The following MICAL2 variants were observed in gnomAD, a reference collection of about 807,000 sequenced individuals.
MICAL2 encodes microtubule associated monooxygenase, calponin and LIM domain containing 2, also known as [F-actin]-monooxygenase MICAL2.
Under a neutral mutation model 127.3 loss-of-function variants are expected in MICAL2, and 77 were observed. That is an observed-to-expected ratio of 0.60 (90% CI 0.50 to 0.73). The LOEUF (loss-of-function observed/expected upper bound fraction) is 0.73, where lower values mean the gene tolerates loss of function less well. MICAL2 is among the 30% of genes least tolerant of loss of function. The pLI is 0.00. For missense variants in MICAL2, 1,351 were observed against 1,434.4 expected (o/e 0.94, Z 0.94); for synonymous variants, 570 against 551.1 (o/e 1.03, Z -0.48).
chr11:12,140,962 C>T (rs2133626148), intron 2 of MICAL2, among the ~76,000 whole-genome samples: 1 of 152,316 alleles, frequency 6.6e-6, no homozygotes, highest in African/African-American at 2.4e-5. Context: ...GGGAGCCTAC[C>T]TCTTCCTTCT....
chr11:12,360,353 A>G (rs574259550), downstream of MICAL2, among the ~76,000 whole-genome samples: 1 of 152,188 alleles, frequency 6.6e-6, no homozygotes, highest in African/African-American at 2.4e-5. Flanking sequence ...TACATAAGCT[A>G]TTTAATATAC....
rs192417159 is a variant in MICAL2 at position 12,149,267 on chromosome 11, G to A, written c.-78+10807G>A. 6.5e-3 allele frequency among the ~76,000 whole-genome samples: 997 copies of A among 152,260 alleles called. 8 individuals carry two copies. The highest frequency in any genetic ancestry group is 0.023 in the African/African-American group (950 of 41,536). On this transcript the variant is annotated intron_variant, in intron 2 of 27. Transcript: ENST00000683283. ...GGGGCGGGGAAGTGATGAGAGTAGAGGCTGGAGGGGCGAGCTAGGGCTGGA... is the reference window on the plus strand; with the variant it reads ...GGGGCGGGGAAGTGATGAGAGTAGAAGCTGGAGGGGCGAGCTAGGGCTGGA...
chr11:12,208,281 GTT>G (rs3214983), intron 5 of MICAL2, 142 bp downstream of exon 5: 54 of 553,468 alleles, frequency 9.8e-5, no homozygotes, highest in East Asian at 1.9e-4. Context: ...GTATTTTACT[GTT>G]TTTTTTTTAC....
Position 12,110,893 on chromosome 11 carries a change from G to C in MICAL2, c.-149+167G>C, listed in dbSNP as rs1589941573. Reference sequence around the variant, plus strand: ...CACCCGGCGGGGCGCACAGTGAGCAGGTGGCGCTGCGACGAAGCCCGGGGC... The same window carrying C: ...CACCCGGCGGGGCGCACAGTGAGCACGTGGCGCTGCGACGAAGCCCGGGGC... On this transcript the variant is annotated intron_variant, in intron 1 of 27. Transcript: ENST00000683283. The surrounding 1 kb of genome is among the most constrained non-coding windows in gnomAD (Gnocchi z 4.5). Among the ~76,000 whole-genome samples the C allele has an allele frequency of 1.3e-5, 2 of 152,296 alleles. No individual in the cohort carries two copies. The highest frequency in any genetic ancestry group is 1.3e-4 in the Admixed American group (2 of 15,304).
At chr11:12,164,345 C>T (rs1472045836) in intron 3 of MICAL2, among the ~76,000 whole-genome samples, 1 of 152,132 alleles carries the variant, frequency 6.6e-6, no homozygotes, top group African/African-American at 2.4e-5. Flanking sequence ...TAACCCATCT[C>T]GTAAAAACCG....
chr11:12,186,122 C>T (rs560216940), intron 3 of MICAL2, among the ~76,000 whole-genome samples: 1 of 152,236 alleles, frequency 6.6e-6, no homozygotes, highest in African/African-American at 2.4e-5. Flanking sequence ...CTGGCGCCTG[C>T]ACTTTTGCTG....
chr11:12,242,176 G>A lies in MICAL2; in HGVS notation c.2338-38G>A, dbSNP rs374775304. 6.8e-5 allele frequency: 104 copies of A among 1,526,126 alleles called. No individual in the cohort carries two copies. The Admixed American group carries it at 7.1e-4, about 10-fold the overall frequency. The allele number at this position is 1,526,126 out of a possible 1,614,324, so 94.5% of individuals were successfully genotyped here. A position where few individuals can be genotyped will look rare whatever the true frequency, so the allele number is the denominator to read the frequency against. On this transcript the variant is annotated intron_variant, in intron 18 of 27. Coordinates refer to ENST00000683283, the MANE Select transcript of MICAL2 (RefSeq NM_001282663.2). ...CATGGTGAGGGTGTATGAAAGGGCC[G>A]CAGTAGGGAAGGAAGCTTAATTTTC...
Position 12,246,620 on chromosome 11 carries a change from A to T in MICAL2, c.2784+2508A>T, listed in dbSNP as rs543197179. Among the ~76,000 whole-genome samples the T allele has an allele frequency of 2.0e-5, 3 of 152,242 alleles. No homozygotes were observed. The South Asian group carries it at 6.2e-4, about 32-fold the overall frequency. On this transcript the variant is annotated intron_variant, in intron 21 of 27. Coordinates refer to ENST00000683283, the MANE Select transcript of MICAL2 (RefSeq NM_001282663.2). ...AAATTTAATTTTTTTGTTTTTTTGG[A>T]GACAGGGTCTCTCTCTGTCACCCAG...
At chr11:12,172,690 GA>G (rs998113488) in intron 3 of MICAL2, among the ~76,000 whole-genome samples, 68 of 151,282 alleles carry the variant, frequency 4.5e-4, no homozygotes, top group African/African-American at 1.5e-3. Flanking sequence ...TGAAAAGGAA[GA>G]AAAAAAAACT....
chr11:12,135,105 A>G (rs1253836651), intron 1 of MICAL2, among the ~76,000 whole-genome samples: 1 of 152,184 alleles, frequency 6.6e-6, no homozygotes, highest in Non-Finnish European at 1.5e-5. Flanking sequence ...ACCACTGCTA[A>G]GGAGAAAAGA....
chr11:12,205,590 A>T (rs144789305), intron 4 of MICAL2, among the ~76,000 whole-genome samples: 1 of 152,296 alleles, frequency 6.6e-6, no homozygotes, highest in Non-Finnish European at 1.5e-5. Flanking sequence ...AAAGCTCAAG[A>T]GTTTGAACAG....
intron 26 of MICAL2, chr11:12,261,587 T>C (rs1221950967): frequency 4.3e-5 from 42 of 985,490 alleles, no homozygotes; most frequent in Non-Finnish European, 4.9e-5. Flanking sequence ...TCTGTGGAGT[T>C]ATCACTAGAG....
At chr11:12,312,045 TTATTA>T (rs1404681099) in intron 29 of MICAL2, among the ~76,000 whole-genome samples, 2 of 151,296 alleles carry the variant, frequency 1.3e-5, no homozygotes, top group African/African-American at 4.8e-5. Context: ...TTTAAAATTA[TTATTA>T]TATAATAGTT....
At chr11:12,173,855 G>T (rs1041705352) in intron 3 of MICAL2, among the ~76,000 whole-genome samples, 2 of 152,164 alleles carry the variant, frequency 1.3e-5, no homozygotes, top group African/African-American at 4.8e-5. Flanking sequence ...CCACATGGTA[G>T]CATGTGTTGG....
chr11:12,236,367 C>T (rs1859057035), intron 16 of MICAL2, 122 bp downstream of exon 16: 3 of 847,650 alleles, frequency 3.5e-6, no homozygotes, highest in East Asian at 5.0e-5. Flanking sequence ...CCACTGGGTT[C>T]CAAGCTTGGC....
At chr11:12,340,428 A>G (rs1193692992) in intron 32 of MICAL2, among the ~76,000 whole-genome samples, 3 of 152,230 alleles carry the variant, frequency 2.0e-5, no homozygotes, top group Admixed American at 1.3e-4. Context: ...CTCTTATTCA[A>G]TGTTAATGGG....
At chr11:12,361,525 G>A (rs3812756), downstream of MICAL2, among the ~76,000 whole-genome samples, 109,649 of 152,120 alleles carry the variant, frequency 0.72, 44,304 homozygotes, top group East Asian at 0.94. Flanking sequence ...TTCTTGGGCA[G>A]TAAAAATAAG....
rs773599822 is a variant in MICAL2, at chr11:12,208,048, A to C, written c.498A>C (p.Leu166=). 1 of 1,614,156 alleles carries C rather than the reference A, an allele frequency of 6.2e-7. No individual in the cohort carries two copies. The highest frequency in any genetic ancestry group is 1.1e-5 in the South Asian group (1 of 91,084). ...HISIRQLQLI[L]FKVALMLGVE... ...GTATTCGCCAACTACAGCTCATCCT[A>C]TTCAAGGTGGCCCTGATGCTGGGAG... The change falls in exon 5 of 28, where the codon CTA becomes CTC. Residue 166 remains leucine (L), a synonymous_variant. Transcript: ENST00000683283.
At chr11:12,239,783 CT>C (rs1449188638) in intron 17 of MICAL2, among the ~76,000 whole-genome samples, 198 bp downstream of exon 17, 1 of 152,224 alleles carries the variant, frequency 6.6e-6, no homozygotes. Context: ...GCCATACTGT[CT>C]CTGTTACAAC....
Sources: gnomAD v4.1 joint callset for allele counts (sites outside exome capture counted in the v4.1 genomes callset) on GRCh38, gnomAD v4.1.1 for gene constraint, Gnocchi (gnomAD v3.1) non-coding constraint, MANE v1.5 for transcripts, NCBI Gene and HGNC (gene_info 2026-07-23, HGNC 2026-07-21) for gene names.